The following OMA1 variants were observed in gnomAD, a reference collection of about 807,000 sequenced individuals.
The protein encoded by OMA1 is metalloendopeptidase OMA1, mitochondrial.
OMA1 carries 38 observed loss-of-function variants against 30.9 expected under a neutral mutation model. That is an observed-to-expected ratio of 1.23 (90% CI 0.95 to 1.61). The LOEUF (loss-of-function observed/expected upper bound fraction) is 1.61. OMA1 is among the 40% of genes most tolerant of loss of function. The pLI is 0.00. For missense variants in OMA1, 461 were observed against 349.2 expected (o/e 1.32, Z -2.55); for synonymous variants, 173 against 121.9 (o/e 1.42, Z -2.76).
intron 7 of OMA1, among the ~76,000 whole-genome samples, chr1:58,520,491 A>G (rs981150884): frequency 1.3e-5 from 2 of 152,226 alleles, no homozygotes; most frequent in African/African-American, 4.8e-5. Context: ...ATAAATAATT[A>G]CAAATAAGAA....
chr1:58,527,620 C>G (rs11799786), intron 6 of OMA1, among the ~76,000 whole-genome samples: 17,684 of 152,112 alleles, frequency 0.12, 1,224 homozygotes, highest in African/African-American at 0.18. Flanking sequence ...ATAGTCTCCA[C>G]CTACTGAGTA....
chr1:58,484,252 T>C (rs1645537147), intron 8 of OMA1, among the ~76,000 whole-genome samples: 1 of 152,236 alleles, frequency 6.6e-6, no homozygotes, highest in African/African-American at 2.4e-5. Flanking sequence ...TTGGCTTTTA[T>C]AAATTACCCT....
chr1:58,534,248 A>C lies in OMA1; in HGVS notation c.813T>G (p.Ile271Met). ...LAVKEVLCHL[I>M]ECNKDVPGIS... ...TCCCTGGAACATCTTTATTGCATTC[A>C]ATTAGATGACAAAGCACTTCTTTAA... is the stretch of plus-strand genomic sequence containing the variant. Residue 271 changes from isoleucine to methionine, a missense_variant, in exon 4 of 9, where the codon ATT becomes ATG. Coordinates refer to ENST00000371226, the MANE Select transcript of OMA1 (RefSeq NM_145243.5). 1 of 871,886 alleles carries C rather than the reference A, an allele frequency of 1.1e-6. No homozygotes were observed. The highest frequency in any genetic ancestry group is 1.3e-5 in the South Asian group (1 of 76,154). The allele number at this position is 871,886 out of a possible 1,614,324, so 54.0% of individuals were successfully genotyped here. A position where few individuals can be genotyped will look rare whatever the true frequency, so the allele number is the denominator to read the frequency against.
intron 8 of OMA1, among the ~76,000 whole-genome samples, chr1:58,491,201 G>C (rs1232429177): frequency 6.6e-6 from 1 of 152,072 alleles, no homozygotes; most frequent in Admixed American, 6.6e-5. Context: ...ATACTTTACA[G>C]ACAAGCAAAT....
chr1:58,543,651 T>C lies in OMA1; in HGVS notation c.-17+3052A>G, dbSNP rs76944512. ...CGACAATTAACATACAGTCCTACCC[T>C]GGTAAATACCAGGTAATCATTTAAA... On this transcript the variant is annotated intron_variant, in intron 1 of 8. Transcript: ENST00000371226. 8.3e-3 allele frequency among the ~76,000 whole-genome samples: 1,261 copies of C among 152,312 alleles called. 16 individuals are homozygous for C. Among genetic ancestry groups the C allele is most frequent in the African/African-American group, 0.028 (1,178 of 41,568 alleles).
chr1:58,483,462 C>A (rs1317989556), intron 8 of OMA1, among the ~76,000 whole-genome samples: 1 of 152,126 alleles, frequency 6.6e-6, no homozygotes, highest in African/African-American at 2.4e-5. Flanking sequence ...TCTGATTAGG[C>A]TCTGAGTTAC....
At chr1:58,535,882 A>G (rs1348388677) in intron 3 of OMA1, among the ~76,000 whole-genome samples, 3 of 152,122 alleles carry the variant, frequency 2.0e-5, no homozygotes, top group Admixed American at 6.5e-5. Flanking sequence ...AAAAAATCTT[A>G]TATTACTTGA....
Position 58,536,610 on chromosome 1 carries a change from A to C in OMA1, c.632T>G (p.Phe211Cys), listed in dbSNP as rs17117699. ...GATTGGACTTACTTCCAGGTGAGTA[A>C]AATAAAACACCACAAAGAGCAATCC... ...SFGLLFVVFY[F>C]THLEVSPITG... The change falls in exon 3 of 9, where the codon TTT becomes TGT. Residue 211 changes from phenylalanine (F) to cysteine (C), a missense_variant. By Grantham distance (205) the Phe-to-Cys change is radical (BLOSUM62 -2). Transcript: ENST00000371226. 0.023 allele frequency: 19,642 copies of C among 872,832 alleles called. 565 individuals are homozygous for C. Among genetic ancestry groups the C allele is most frequent in the East Asian group, 0.12 (5,020 of 41,664 alleles). The allele number at this position is 872,832 out of a possible 1,614,324, so 54.1% of individuals were successfully genotyped here. A position where few individuals can be genotyped will look rare whatever the true frequency, so the allele number is the denominator to read the frequency against.
rs1645839530 is a variant in OMA1 at position 58,498,302 on chromosome 1, A to G, written c.1365+7758T>C. ...TCTCCTCTACCATTTTTGCATTCCT[A>G]TAACTTCACCCTTGATTTTACAACT... is the stretch of plus-strand genomic sequence containing the variant. On this transcript the variant is annotated intron_variant, in intron 8 of 8. Coordinates refer to ENST00000371226, the MANE Select transcript of OMA1 (RefSeq NM_145243.5). 3.3e-5 allele frequency among the ~76,000 whole-genome samples: 5 copies of G among 151,684 alleles called. No individual in the cohort carries two copies. The South Asian group carries it at 1.0e-3, about 31-fold the overall frequency.
chr1:58,541,293 C>CAAAAAAAAAAAAAAA (rs71043292), intron 1 of OMA1, among the ~76,000 whole-genome samples: 2 of 27,572 alleles, frequency 7.3e-5, no homozygotes. Context: ...GACTCTGTCT[C>CAAAAAAAAAAAAAAA]AAAAAAAAAA....
intron 7 of OMA1, among the ~76,000 whole-genome samples, chr1:58,512,163 C>A (rs982049978): frequency 2.6e-5 from 4 of 152,042 alleles, no homozygotes; most frequent in African/African-American, 9.7e-5. Context: ...TTCAATATCA[C>A]TAATCATCAG....
At chr1:58,507,644 C>T (rs962191938) in intron 7 of OMA1, among the ~76,000 whole-genome samples, 3 of 151,768 alleles carry the variant, frequency 2.0e-5, no homozygotes, top group African/African-American at 7.3e-5. Context: ...AAATATTATT[C>T]ATGTTTATAC....
At chr1:58,530,532 G>A (rs1646419009) in intron 6 of OMA1, 69 bp downstream of exon 6, 5 of 767,268 alleles carry the variant, frequency 6.5e-6, no homozygotes, top group Non-Finnish European at 1.1e-5. Context: ...TGGATTTGCT[G>A]CTTTACAGTA....
intron 8 of OMA1, among the ~76,000 whole-genome samples, chr1:58,481,811 A>G (rs935374857): frequency 6.6e-6 from 1 of 152,142 alleles, no homozygotes; most frequent in Non-Finnish European, 1.5e-5. Context: ...CCCCCTGCAT[A>G]TGCTCTCTTG....
chr1:58,485,944 TA>T (rs1485516990), intron 8 of OMA1, among the ~76,000 whole-genome samples: 1 of 152,102 alleles, frequency 6.6e-6, no homozygotes, highest in Non-Finnish European at 1.5e-5. Context: ...TGTATTTTAA[TA>T]GCAAGAATAT....
In OMA1 at chr1:58,539,161, T is replaced by C. The variant is rs1376782478; in HGVS notation, c.134A>G (p.His45Arg). 1.1e-5 allele frequency: 10 copies of C among 872,876 alleles called. No individual in the cohort carries two copies. The highest frequency in any genetic ancestry group is 5.1e-5 in the Admixed American group (3 of 59,176). 54.1% of individuals were successfully genotyped at this position (872,876 alleles called of 1,614,324 possible). ...CAGTCCCTGATACTTATTTACTATA[T>C]GGTTAACTTGTACTTGATGACAGCC... ...SRGCHQVQVN[H>R]IVNKYQGLGV... The change falls in exon 2 of 9, where the codon CAT becomes CGT. Residue 45 changes from histidine to arginine, a missense_variant. Physicochemically the swap from His to Arg is conservative, Grantham distance 29. Coordinates refer to ENST00000371226, the MANE Select transcript of OMA1 (RefSeq NM_145243.5).
chr1:58,536,815 T>G (rs973935757), intron 2 of OMA1, 74 bp from the exon 3 acceptor site: 18 of 760,854 alleles, frequency 2.4e-5, no homozygotes, highest in Non-Finnish European at 3.9e-5. Context: ...ATGCATACAC[T>G]AGAATTTTAC....
chr1:58,507,555 C>T (rs1646008187), intron 7 of OMA1, among the ~76,000 whole-genome samples: 1 of 151,916 alleles, frequency 6.6e-6, no homozygotes, highest in African/African-American at 2.4e-5. Context: ...GTACTTTATA[C>T]ACTACTGCAC....
intron 6 of OMA1, 65 bp downstream of exon 6, chr1:58,530,536 T>C (rs1435902345): frequency 1.3e-6 from 1 of 790,854 alleles, no homozygotes; most frequent in South Asian, 1.6e-5. Flanking sequence ...TTTGCTGCTT[T>C]ACAGTAGTAT....
Sources: gnomAD v4.1 joint callset for allele counts (sites outside exome capture counted in the v4.1 genomes callset) on GRCh38, gnomAD v4.1.1 for gene constraint, MANE v1.5 for transcripts, NCBI Gene and HGNC (gene_info 2026-07-23, HGNC 2026-07-21) for gene names.